The following RAP1GAP2 variants were observed in gnomAD, a reference collection of about 807,000 sequenced individuals.
RAP1GAP2 encodes rap1 GTPase-activating protein 2.
In RAP1GAP2, 27 loss-of-function variants were observed where a neutral mutation model predicts 95.0. The ratio of observed to expected loss-of-function variants is 0.28; its 90% CI spans 0.21 to 0.39. The LOEUF (loss-of-function observed/expected upper bound fraction) is 0.39, where lower values mean the gene tolerates loss of function less well. Among genes scored for constraint, RAP1GAP2 ranks in the 10% least tolerant of loss-of-function variants. The pLI is 1.00. For missense variants in RAP1GAP2, 771 were observed against 970.0 expected (o/e 0.79, Z 2.72); for synonymous variants, 373 against 380.9 (o/e 0.98, Z 0.24).
chr17:3,030,833 C>G lies in RAP1GAP2; in HGVS notation c.2108-89C>G. Reference sequence around the variant, plus strand: ...GTCCTGGTGGAGGGCAGGAGGCCCCCTTCCCCTGGCCTCCCTAGCCAGTCC... The same window carrying G: ...GTCCTGGTGGAGGGCAGGAGGCCCCGTTCCCCTGGCCTCCCTAGCCAGTCC... On this transcript the variant is annotated intron_variant, in intron 22 of 24. Coordinates refer to ENST00000254695, the MANE Select transcript of RAP1GAP2 (RefSeq NM_015085.5). 3 of 1,295,586 alleles carry G rather than the reference C, an allele frequency of 2.3e-6. No individual in the cohort carries two copies. The South Asian group carries it at 3.8e-5, about 16-fold the overall frequency. 80.3% of individuals were successfully genotyped at this position (1,295,586 alleles called of 1,614,324 possible). A position where few individuals can be genotyped will look rare whatever the true frequency, so the allele number is the denominator to read the frequency against.
intron 2 of RAP1GAP2, among the ~76,000 whole-genome samples, chr17:2,876,659 A>G (rs146948836): frequency 1.4e-4 from 21 of 152,270 alleles, no homozygotes; most frequent in Non-Finnish European, 2.9e-4. Context: ...AATGTTTCTT[A>G]TAGACCTGGA....
chr17:2,960,263 A>G (rs1329743866), intron 4 of RAP1GAP2, among the ~76,000 whole-genome samples: 1 of 151,984 alleles, frequency 6.6e-6, no homozygotes, highest in Non-Finnish European at 1.5e-5. Flanking sequence ...GATGGGAGGA[A>G]GTTTGCTCTC....
At chr17:2,862,228 A>C (rs2072429545) in intron 2 of RAP1GAP2, among the ~76,000 whole-genome samples, 1 of 152,174 alleles carries the variant, frequency 6.6e-6, no homozygotes, top group Non-Finnish European at 1.5e-5. Context: ...TGGGTCCTGG[A>C]ACTGCCGCCT....
At chr17:2,987,560 C>T (rs1464103002) in intron 11 of RAP1GAP2, among the ~76,000 whole-genome samples, 3 of 151,936 alleles carry the variant, frequency 2.0e-5, no homozygotes, top group Non-Finnish European at 2.9e-5. Context: ...GGGGTTTCAC[C>T]GTGTTGGTCA....
At chr17:2,969,159 T>TTA (rs1302785383) in intron 8 of RAP1GAP2, among the ~76,000 whole-genome samples, 10 of 82,540 alleles carry the variant, frequency 1.2e-4, no homozygotes, top group Non-Finnish European at 2.9e-4. Flanking sequence ...ATACATATTT[T>TTA]TCTTTATCTA....
intron 2 of RAP1GAP2, among the ~76,000 whole-genome samples, chr17:2,878,519 C>T (rs1029894850): frequency 6.6e-6 from 1 of 152,222 alleles, no homozygotes; most frequent in East Asian, 1.9e-4. Flanking sequence ...TAGGCAAGGG[C>T]GTTGGTTAGG....
intron 1 of RAP1GAP2, among the ~76,000 whole-genome samples, chr17:2,799,783 G>A (rs1011994099): frequency 6.6e-6 from 1 of 152,176 alleles, no homozygotes; most frequent in African/African-American, 2.4e-5. Flanking sequence ...GGAGAGGGAG[G>A]AGGGGCCTCT....
intron 2 of RAP1GAP2, among the ~76,000 whole-genome samples, chr17:2,898,423 C>T (rs1237382576): frequency 3.3e-5 from 5 of 152,236 alleles, no homozygotes; most frequent in African/African-American, 9.6e-5. Flanking sequence ...CCCTCCCCCA[C>T]ACTCTGCCAG....
At chr17:2,984,777 A>G (rs1419305550) in intron 10 of RAP1GAP2, among the ~76,000 whole-genome samples, 1 of 152,132 alleles carries the variant, frequency 6.6e-6, no homozygotes, top group Admixed American at 6.6e-5. Context: ...CTACTGGGGA[A>G]GCCCAAGTTT....
At chr17:2,892,507 G>A (rs745766250) in intron 2 of RAP1GAP2, among the ~76,000 whole-genome samples, 14 of 152,100 alleles carry the variant, frequency 9.2e-5, no homozygotes, top group Admixed American at 2.6e-4. Flanking sequence ...CTGTATGTCC[G>A]GGAGCTGGGC....
intron 3 of RAP1GAP2, among the ~76,000 whole-genome samples, chr17:2,933,660 G>C (rs2043222697): frequency 6.6e-6 from 1 of 152,232 alleles, no homozygotes; most frequent in Non-Finnish European, 1.5e-5. Flanking sequence ...GCCTTTGCCT[G>C]GGCTGTTCCC....
At chr17:2,893,858 G>A (rs541017990) in intron 2 of RAP1GAP2, among the ~76,000 whole-genome samples, 5 of 152,300 alleles carry the variant, frequency 3.3e-5, no homozygotes, top group Admixed American at 1.3e-4. Context: ...CAGCGCAGGG[G>A]AGGTGGAGCC....
chr17:2,831,460 CT>C (rs769868879), intron 2 of RAP1GAP2, among the ~76,000 whole-genome samples: 1 of 152,010 alleles, frequency 6.6e-6, no homozygotes, highest in Non-Finnish European at 1.5e-5. Flanking sequence ...GAATTCCTGT[CT>C]GACCACTGAG....
At chr17:2,895,726 G>A (rs1443465755) in intron 2 of RAP1GAP2, among the ~76,000 whole-genome samples, 4 of 152,066 alleles carry the variant, frequency 2.6e-5, no homozygotes, top group Admixed American at 2.0e-4. Context: ...ACAGGCGCCT[G>A]CCACCATGCC....
intron 3 of RAP1GAP2, among the ~76,000 whole-genome samples, chr17:2,931,708 C>A (rs1394253595): frequency 6.6e-6 from 1 of 152,220 alleles, no homozygotes; most frequent in Non-Finnish European, 1.5e-5. Flanking sequence ...TTTAAGTAAT[C>A]ATTAACTGGA....
intron 2 of RAP1GAP2, among the ~76,000 whole-genome samples, chr17:2,901,564 C>T (rs12951927): frequency 0.23 from 34,881 of 152,094 alleles, 4,736 homozygotes; most frequent in Admixed American, 0.33. Context: ...CTGTGGGTCA[C>T]AAAGAAGTTG....
At chr17:2,798,309 G>A (rs756381364) in intron 1 of RAP1GAP2, among the ~76,000 whole-genome samples, 4 of 152,140 alleles carry the variant, frequency 2.6e-5, no homozygotes, top group South Asian at 2.1e-4. Context: ...CTGCCCCGTC[G>A]CGTTCACCTG....
In RAP1GAP2 at chr17:2,927,681, TG is replaced by T. The variant is rs964259597; in HGVS notation, c.165+22319del. Reference sequence around the variant, plus strand: ...CAAGGGCACCTCTGGGTGTGAGTGTTGGGGGGCAGTATTTGGCCTATCACAA... The same window carrying T: ...CAAGGGCACCTCTGGGTGTGAGTGTTGGGGGCAGTATTTGGCCTATCACAA... On this transcript the variant is annotated intron_variant, in intron 3 of 24. Coordinates refer to ENST00000254695, the MANE Select transcript of RAP1GAP2 (RefSeq NM_015085.5). 3.5e-4 allele frequency among the ~76,000 whole-genome samples: 53 copies of T among 152,232 alleles called. 1 individual carries two copies. The highest frequency in any genetic ancestry group is 1.2e-3 in the African/African-American group (50 of 41,536).
intron 1 of RAP1GAP2, among the ~76,000 whole-genome samples, chr17:2,755,980 A>C (rs2071133490): frequency 6.6e-6 from 1 of 152,096 alleles, no homozygotes; most frequent in South Asian, 2.1e-4. Flanking sequence ...CGGCTCTCCA[A>C]AGAGATGGGC....
Sources: gnomAD v4.1 joint callset for allele counts (sites outside exome capture counted in the v4.1 genomes callset) on GRCh38, gnomAD v4.1.1 for gene constraint, MANE v1.5 for transcripts, NCBI Gene and HGNC (gene_info 2026-07-23, HGNC 2026-07-21) for gene names.